NPLOC4: variants seen among roughly 807,000 people sequenced by gnomAD.
NPLOC4 encodes NPL4 homolog, ubiquitin recognition factor, also known as nuclear protein localization protein 4 homolog.
NPLOC4 carries 18 observed loss-of-function variants against 80.6 expected under a neutral mutation model. The ratio of observed to expected loss-of-function variants is 0.22; its 90% CI spans 0.15 to 0.33. The LOEUF is 0.33. Among genes scored for constraint, NPLOC4 ranks in the 10% least tolerant of loss-of-function variants. The pLI is 1.00. For missense variants in NPLOC4, 540 were observed against 786.1 expected (o/e 0.69, Z 3.74); for synonymous variants, 313 against 301.5 (o/e 1.04, Z -0.39).
chr17:81,565,439 T>G, intron 16 of NPLOC4, 66 bp downstream of exon 16: 1 of 1,303,346 alleles, frequency 7.7e-7, no homozygotes, highest in Non-Finnish European at 1.1e-6. Flanking sequence ...AGTGGGGAGC[T>G]GTGCAGAGTG....
At chr17:81,561,543 T>G (rs965719831) in intron 16 of NPLOC4, among the ~76,000 whole-genome samples, 2 of 152,224 alleles carry the variant, frequency 1.3e-5, no homozygotes, top group African/African-American at 4.8e-5. Flanking sequence ...AAAAGAATCT[T>G]TGCGTACCCC....
chr17:81,565,050 G>A (rs1273405190), intron 16 of NPLOC4: 2 of 499,232 alleles, frequency 4.0e-6, no homozygotes, highest in Non-Finnish European at 7.1e-6. Flanking sequence ...GACACGCAAT[G>A]CCTGCGGTCC....
At chr17:81,565,009 C>G in intron 16 of NPLOC4, 2 of 388,610 alleles carry the variant, frequency 5.1e-6, no homozygotes, top group Non-Finnish European at 4.7e-6. Context: ...AGTGGGGAAT[C>G]GTTCAGGACC....
chr17:81,636,674 C>A (rs2036085177), intron 1 of NPLOC4, among the ~76,000 whole-genome samples: 1 of 152,300 alleles, frequency 6.6e-6, no homozygotes, highest in East Asian at 1.9e-4. Context: ...AAGGCTCGGC[C>A]TTTCCCTGCC....
At chr17:81,621,345 A>G (rs1462065784) in intron 3 of NPLOC4, among the ~76,000 whole-genome samples, 3 of 152,192 alleles carry the variant, frequency 2.0e-5, no homozygotes, top group Non-Finnish European at 4.4e-5. Context: ...GTAATTTGTG[A>G]ATCTAAAAGT....
intron 3 of NPLOC4, among the ~76,000 whole-genome samples, chr17:81,616,615 A>C (rs2035499339): frequency 6.6e-6 from 1 of 151,802 alleles, no homozygotes; most frequent in Non-Finnish European, 1.5e-5. Context: ...CTGTAGTCCC[A>C]GCTACTCGGG....
At chr17:81,627,863 G>C (rs1364912077) in intron 2 of NPLOC4, among the ~76,000 whole-genome samples, 1 of 152,128 alleles carries the variant, frequency 6.6e-6, no homozygotes. Context: ...TGGAACCCAG[G>C]AGGCGGAGGT....
chr17:81,631,178 A>C (rs2035917340), intron 1 of NPLOC4, among the ~76,000 whole-genome samples: 1 of 151,806 alleles, frequency 6.6e-6, no homozygotes, highest in Non-Finnish European at 1.5e-5. Context: ...AAAAGTAAAA[A>C]TTTAAACTTA....
Position 81,596,107 on chromosome 17 carries a change from C to G in NPLOC4, c.1120+9G>C, listed in dbSNP as rs1222773519. 6.2e-7 allele frequency: 1 copy of G among 1,613,224 alleles called. No individual in the cohort carries two copies. Among genetic ancestry groups the G allele is most frequent in the African/African-American group, 1.3e-5 (1 of 74,980 alleles). On this transcript the variant is annotated intron_variant, in intron 11 of 16. Coordinates refer to ENST00000331134, the MANE Select transcript of NPLOC4 (RefSeq NM_017921.4). Reference sequence around the variant, plus strand: ...GTAATATTTACAGTACATACTGTCCCTGTTATACCTGTAGCCACTGCAGTA... The same window carrying G: ...GTAATATTTACAGTACATACTGTCCGTGTTATACCTGTAGCCACTGCAGTA...
chr17:81,574,876 A>AACACACACACAC (rs71166157), intron 12 of NPLOC4, among the ~76,000 whole-genome samples: 1 of 148,934 alleles, frequency 6.7e-6, no homozygotes, highest in African/African-American at 2.5e-5. Flanking sequence ...CAAACAAACA[A>AACACACACACAC]ACACACACAC....
Position 81,613,384 on chromosome 17 carries a change from T to C in NPLOC4, c.320A>G (p.Glu107Gly). The change falls in exon 4 of 17, where the codon GAG (glutamate) becomes GGG (glycine). Residue 107 changes from glutamate (E) to glycine (G), a missense_variant. By Grantham distance (98) the Glu-to-Gly change is moderately conservative (BLOSUM62 -2). This residue lies in a region of NPLOC4 where 74 missense variants were observed against 75.7 expected (regional missense o/e 0.98). Coordinates refer to ENST00000331134, the MANE Select transcript of NPLOC4 (RefSeq NM_017921.4). ...GCTGAGGTACTGATCAATCTCATCC[T>C]CCACCACGTTGGGAGCGCCAAAGAC... ...FKVFGAPNVV[E>G]DEIDQYLSKQ... 1 of 1,613,976 alleles carries C rather than the reference T, an allele frequency of 6.2e-7. No individual in the cohort carries two copies. Among genetic ancestry groups the C allele is most frequent in the Non-Finnish European group, 8.5e-7 (1 of 1,179,894 alleles).
chr17:81,633,763 G>A (rs1166020259), intron 1 of NPLOC4, among the ~76,000 whole-genome samples: 2 of 152,190 alleles, frequency 1.3e-5, no homozygotes. Flanking sequence ...GGAGTGCGAT[G>A]GCGCGACCTC....
rs1443841890 is a variant in NPLOC4, at chr17:81,567,210, AATT to A, written c.1566+204_1566+206del. 1.4e-5 allele frequency among the ~76,000 whole-genome samples: 2 copies of A among 147,732 alleles called. No homozygotes were observed. Among genetic ancestry groups the A allele is most frequent in the Non-Finnish European group, 3.0e-5 (2 of 66,266 alleles). On this transcript the variant is annotated intron_variant, in intron 15 of 16. Coordinates refer to ENST00000331134, the MANE Select transcript of NPLOC4 (RefSeq NM_017921.4). The surrounding 1 kb of genome is among the most constrained non-coding windows in gnomAD (Gnocchi z 4.5). ...TCAATGGAAATGCTAAAGGTGAAAA[AATT>A]AATCTTTCTATCAACAAGCTTCTTG...
intron 1 of NPLOC4, among the ~76,000 whole-genome samples, chr17:81,630,771 G>C (rs545819543): frequency 1.3e-4 from 20 of 152,086 alleles, no homozygotes; most frequent in African/African-American, 1.7e-4. Context: ...CAGCTACTTG[G>C]GGAGCTGAGG....
rs1362115797 is a variant in NPLOC4, at chr17:81,558,143, C to T, written c.*1116G>A. 6.6e-6 allele frequency: 1 copy of T among 152,458 alleles called. No individual in the cohort carries two copies. The highest frequency in any genetic ancestry group is 1.5e-5 in the Non-Finnish European group (1 of 68,214). 9.4% of individuals were successfully genotyped at this position (152,458 alleles called of 1,614,324 possible). The stretch of plus-strand genomic sequence containing the variant: ...GAACGCAGAGCACACAAGCAGGACC[C>T]CACCACGTGCTGTTCCAGATCGCCC... On this transcript the variant is annotated 3_prime_UTR_variant, in exon 17 of 17. Transcript: ENST00000331134.
intron 8 of NPLOC4, among the ~76,000 whole-genome samples, chr17:81,601,402 G>C (rs1324129297): frequency 2.0e-5 from 3 of 152,190 alleles, no homozygotes; most frequent in Non-Finnish European, 2.9e-5. Flanking sequence ...ACATGTGGCA[G>C]CATAAGCTGC....
intron 12 of NPLOC4, among the ~76,000 whole-genome samples, chr17:81,576,483 G>A (rs997131785): frequency 6.6e-6 from 1 of 152,146 alleles, no homozygotes; most frequent in East Asian, 1.9e-4. Flanking sequence ...ATGTGGACTT[G>A]ACTATATATG....
Position 81,557,656 on chromosome 17 carries a change from C to T in NPLOC4, c.*1603G>A, listed in dbSNP as rs1189944938. On this transcript the variant is annotated 3_prime_UTR_variant, in exon 17 of 17. Coordinates refer to ENST00000331134, the MANE Select transcript of NPLOC4 (RefSeq NM_017921.4). Reference sequence around the variant, plus strand: ...AGCAGAGGACAAAACTTCAGTGTGACAGCTGCTAGGAGGGAGAGCAGACAG... The same window carrying T: ...AGCAGAGGACAAAACTTCAGTGTGATAGCTGCTAGGAGGGAGAGCAGACAG... The T allele has an allele frequency of 3.3e-5, 5 of 152,306 alleles. No homozygotes were observed. The highest frequency in any genetic ancestry group is 4.8e-5 in the African/African-American group (2 of 41,460). 9.4% of individuals were successfully genotyped at this position (152,306 alleles called of 1,614,324 possible).
chr17:81,600,312 C>T (rs764794458), intron 9 of NPLOC4, 29 bp downstream of exon 9: 2 of 1,561,740 alleles, frequency 1.3e-6, no homozygotes, highest in Admixed American at 3.5e-5. Context: ...TGGCCACGCC[C>T]CCTGCTTGGC....
Sources: gnomAD v4.1 joint callset for allele counts (sites outside exome capture counted in the v4.1 genomes callset) on GRCh38, gnomAD v4.1.1 for gene constraint, gnomAD v4.1.1 regional missense constraint, Gnocchi (gnomAD v3.1) non-coding constraint, MANE v1.5 for transcripts, NCBI Gene and HGNC (gene_info 2026-07-23, HGNC 2026-07-21) for gene names.